The following KIF26B variants were observed in gnomAD, a reference collection of about 807,000 sequenced individuals.
The protein encoded by KIF26B is kinesin family member 26B, also known as kinesin-like protein KIF26B.
In KIF26B, 63 loss-of-function variants were observed where a neutral mutation model predicts 151.2. The ratio of observed to expected loss-of-function variants is 0.42; its 90% CI spans 0.34 to 0.51. KIF26B has a LOEUF of 0.51. KIF26B is among the 20% of genes least tolerant of loss of function. The pLI is 0.07. For missense variants in KIF26B, 2,813 were observed against 2,913.6 expected (o/e 0.97, Z 0.79); for synonymous variants, 1,357 against 1,262.1 (o/e 1.08, Z -1.59).
chr1:245,369,894 C>A (rs371304818), intron 3 of KIF26B, among the ~76,000 whole-genome samples: 25 of 152,326 alleles, frequency 1.6e-4, no homozygotes, highest in Middle Eastern at 3.4e-3. Context: ...TAATGAGGAA[C>A]CAGTGGCGTC....
intron 4 of KIF26B, among the ~76,000 whole-genome samples, chr1:245,470,705 C>T (rs986958220): frequency 2.6e-5 from 4 of 152,184 alleles, no homozygotes; most frequent in Admixed American, 6.5e-5. Flanking sequence ...GCTGGGATTA[C>T]AGGCGTGAGC....
intron 2 of KIF26B, among the ~76,000 whole-genome samples, chr1:245,189,749 A>G (rs894228698): frequency 8.5e-5 from 13 of 152,238 alleles, no homozygotes; most frequent in African/African-American, 2.4e-4. Flanking sequence ...GAAGGCAGTC[A>G]TATTAGTCTG....
chr1:245,231,316 A>T (rs549115425), intron 2 of KIF26B, among the ~76,000 whole-genome samples: 1 of 152,196 alleles, frequency 6.6e-6, no homozygotes, highest in Admixed American at 6.5e-5. Context: ...GGAGTCTGAG[A>T]CCAGCCTGGC....
rs1572217452 is a variant in KIF26B, at chr1:245,703,898, A to G, written c.*1292A>G. The stretch of plus-strand genomic sequence containing the variant: ...TCAGTCTTTGCTCCTGCCCAAAGGC[A>G]GAGAGAGCTTCCCCTCCATAACTCA... On this transcript the variant is annotated 3_prime_UTR_variant, in exon 15 of 15. Coordinates refer to ENST00000407071, the MANE Select transcript of KIF26B (RefSeq NM_018012.4). 6.6e-6 allele frequency: 1 copy of G among 152,374 alleles called. No individual in the cohort carries two copies. Among genetic ancestry groups the G allele is most frequent in the African/African-American group, 2.4e-5 (1 of 41,582 alleles). 9.4% of individuals were successfully genotyped at this position (152,374 alleles called of 1,614,324 possible).
At chr1:245,240,036 G>A (rs1481575609) in intron 2 of KIF26B, among the ~76,000 whole-genome samples, 1 of 152,042 alleles carries the variant, frequency 6.6e-6, no homozygotes, top group East Asian at 1.9e-4. Flanking sequence ...CGAGTGTCAT[G>A]GCGCACACCT....
At chr1:245,198,817 A>T (rs1669236978) in intron 2 of KIF26B, among the ~76,000 whole-genome samples, 1 of 151,180 alleles carries the variant, frequency 6.6e-6, no homozygotes, top group African/African-American at 2.4e-5. Context: ...ATAAATAACT[A>T]GGAAGTTCTA....
At chr1:245,162,890 A>G (rs893935521) in intron 2 of KIF26B, among the ~76,000 whole-genome samples, 2 of 152,200 alleles carry the variant, frequency 1.3e-5, no homozygotes, top group Non-Finnish European at 2.9e-5. Flanking sequence ...GAACTCACCT[A>G]TGTTTTCTTC....
At chr1:245,273,035 C>T (rs574113579) in intron 2 of KIF26B, among the ~76,000 whole-genome samples, 7 of 151,744 alleles carry the variant, frequency 4.6e-5, no homozygotes, top group African/African-American at 1.5e-4. Flanking sequence ...TTGGGTCCCT[C>T]GATCTGTAGT....
chr1:245,554,363 G>T (rs1661968508), intron 5 of KIF26B, among the ~76,000 whole-genome samples: 1 of 152,158 alleles, frequency 6.6e-6, no homozygotes, highest in African/African-American at 2.4e-5. Context: ...GTCCTTATAT[G>T]ACTTTTTCCC....
In KIF26B at chr1:245,540,163, T is replaced by A. The variant is rs1370058559; in HGVS notation, c.1167-604T>A. 6.6e-6 allele frequency among the ~76,000 whole-genome samples: 1 copy of A among 152,190 alleles called. No individual in the cohort carries two copies. The highest frequency in any genetic ancestry group is 1.5e-5 in the Non-Finnish European group (1 of 68,028). ...AAGACCTCCCTGCACAATATCCTCT[T>A]ATCTACGTAAGCAGCCCATAGCCTC... is the stretch of plus-strand genomic sequence containing the variant. On this transcript the variant is annotated intron_variant, in intron 4 of 14. Transcript: ENST00000407071. The surrounding 1 kb of genome is among the most constrained non-coding windows in gnomAD (Gnocchi z 4.6).
chr1:245,639,153 T>C (rs573651845), intron 9 of KIF26B, among the ~76,000 whole-genome samples: 1 of 152,020 alleles, frequency 6.6e-6, no homozygotes, highest in African/African-American at 2.4e-5. Flanking sequence ...AATCTATTAC[T>C]TGTTATTGGC....
At chr1:245,422,174 G>A (rs1658506583) in intron 4 of KIF26B, among the ~76,000 whole-genome samples, 1 of 152,070 alleles carries the variant, frequency 6.6e-6, no homozygotes, top group Admixed American at 6.6e-5. Context: ...ATAGTACTTG[G>A]AGCTTCATGG....
rs1553299337 is a variant in KIF26B at position 245,640,160 on chromosome 1, T to TACAC, written c.2099-5959_2099-5958insACAC. Among the ~76,000 whole-genome samples the TACAC allele has an allele frequency of 1.3e-4, 7 of 54,852 alleles. 1 individual carries two copies. Among genetic ancestry groups the TACAC allele is most frequent in the Admixed American group, 1.6e-4 (1 of 6,092 alleles). The allele number at this position is 54,852 out of a possible 152,430, so 36.0% of individuals were successfully genotyped here. A position where few individuals can be genotyped will look rare whatever the true frequency, so the allele number is the denominator to read the frequency against. Reference sequence around the variant, plus strand: ...CTCTCTCTCTATATATATATATATATACCCTGCTATTTGGTTATATATATT... The same window carrying TACAC: ...CTCTCTCTCTATATATATATATATATACACACCCTGCTATTTGGTTATATATATT... On this transcript the variant is annotated intron_variant, in intron 9 of 14. Transcript: ENST00000407071.
At chr1:245,613,016 C>A (rs2043545658) in intron 9 of KIF26B, among the ~76,000 whole-genome samples, 1 of 152,104 alleles carries the variant, frequency 6.6e-6, no homozygotes, top group African/African-American at 2.4e-5. Flanking sequence ...GGACCAGGGG[C>A]AAAGTGGTCT....
intron 2 of KIF26B, among the ~76,000 whole-genome samples, chr1:245,237,557 G>T (rs1284041456): frequency 1.3e-5 from 2 of 152,114 alleles, no homozygotes; most frequent in Non-Finnish European, 2.9e-5. Context: ...CCGGGGCCCA[G>T]GGGGTCTATG....
intron 2 of KIF26B, among the ~76,000 whole-genome samples, chr1:245,341,018 CTT>C (rs1302189120): frequency 6.6e-6 from 1 of 152,162 alleles, no homozygotes; most frequent in African/African-American, 2.4e-5. Context: ...TTTATTGACA[CTT>C]TTCATTTCTA....
At chr1:245,614,301 A>C (rs1211757350) in intron 9 of KIF26B, among the ~76,000 whole-genome samples, 1 of 152,042 alleles carries the variant, frequency 6.6e-6, no homozygotes, top group Non-Finnish European at 1.5e-5. Flanking sequence ...CAGCCTCCTG[A>C]GTAGCTGGGA....
At position 245,467,006 on chromosome 1, in the gene KIF26B, G is replaced by A. The variant is rs569663132; in HGVS notation, c.1166+47261G>A. On this transcript the variant is annotated intron_variant, in intron 4 of 14. Transcript: ENST00000407071. Reference sequence around the variant, plus strand: ...GACACTCACTTCGAGAAGAAGGCCCGTCTAACCTCAGCCTTATTTTTGCAT... The same window carrying A: ...GACACTCACTTCGAGAAGAAGGCCCATCTAACCTCAGCCTTATTTTTGCAT... Among the ~76,000 whole-genome samples the A allele has an allele frequency of 8.5e-4, 129 of 152,258 alleles. 1 individual carries two copies. The highest frequency in any genetic ancestry group is 2.9e-3 in the African/African-American group (122 of 41,540).
intron 10 of KIF26B, among the ~76,000 whole-genome samples, chr1:245,678,788 A>G (rs900358567): frequency 8.5e-5 from 13 of 152,092 alleles, no homozygotes; most frequent in Admixed American, 8.5e-4. Flanking sequence ...GCTTGAACCC[A>G]GGAGGCGGAG....
Sources: allele counts gnomAD v4.1 joint callset (sites outside exome capture counted in the v4.1 genomes callset), GRCh38; gene constraint gnomAD v4.1.1; non-coding constraint Gnocchi (gnomAD v3.1); transcripts MANE v1.5; gene names NCBI Gene and HGNC (gene_info 2026-07-23, HGNC 2026-07-21).